The following NFIB variants were observed in gnomAD, a reference collection of about 807,000 sequenced individuals.
NFIB encodes nuclear factor I B.
In NFIB, 11 loss-of-function variants were observed where a neutral mutation model predicts 61.5. That is an observed-to-expected ratio of 0.18 (90% confidence interval 0.11 to 0.30). The LOEUF is 0.30. NFIB is among the 10% of genes least tolerant of loss of function. The probability of loss-of-function intolerance (pLI) is 1.00; values close to 1 mark genes in which losing one functional copy is unlikely to be tolerated. For synonymous variants in NFIB, 260 were observed against 216.5 expected, an observed-to-expected ratio of 1.20 and a Z score of -1.76; for missense variants, 471 against 608.9, an observed-to-expected ratio of 0.77 and a Z score of 2.38.
At chr9:14,439,206 A>G in the NFIB span, among the ~76,000 whole-genome samples, 1 of 152,078 alleles carries the variant, frequency 6.6e-6, no homozygotes, top group Non-Finnish European at 1.5e-5. Flanking sequence ...TCCCCTCTCT[A>G]CAAAAAATAA....
the NFIB span, among the ~76,000 whole-genome samples, chr9:14,469,108 T>A: frequency 2.0e-5 from 3 of 152,332 alleles, no homozygotes; most frequent in African/African-American, 7.2e-5. Flanking sequence ...ACTGCCTTTG[T>A]CTCGATCAAG....
the NFIB span, among the ~76,000 whole-genome samples, chr9:14,444,542 C>T: frequency 6.6e-6 from 1 of 152,122 alleles, no homozygotes; most frequent in East Asian, 1.9e-4. Context: ...GAAGGTGTTA[C>T]TTATACTCAT....
At chr9:14,258,735 C>G (rs2056463253) in intron 2 of NFIB, among the ~76,000 whole-genome samples, 1 of 152,162 alleles carries the variant, frequency 6.6e-6, no homozygotes, top group Non-Finnish European at 1.5e-5. Flanking sequence ...AGTTTTACAT[C>G]CTCTCTTCAT....
At chr9:14,452,554 CATCA>C in the NFIB span, among the ~76,000 whole-genome samples, 2 of 151,866 alleles carry the variant, frequency 1.3e-5, no homozygotes, top group African/African-American at 4.8e-5. Context: ...GGTAATGATA[CATCA>C]ATCTTGTATT....
the NFIB span, among the ~76,000 whole-genome samples, chr9:14,472,765 C>G: frequency 2.6e-5 from 4 of 151,952 alleles, no homozygotes; most frequent in Admixed American, 2.6e-4. Context: ...GGCGTGAACC[C>G]AGGAGGTGGA....
chr9:14,445,914 G>A, the NFIB span, among the ~76,000 whole-genome samples: 3 of 152,062 alleles, frequency 2.0e-5, no homozygotes, highest in African/African-American at 4.8e-5. Flanking sequence ...ACATCCTTTA[G>A]AATAGCCATT....
At chr9:14,123,380 T>C (rs147143098) in intron 7 of NFIB, among the ~76,000 whole-genome samples, 1,658 of 152,348 alleles carry the variant, frequency 0.011, 24 homozygotes, top group African/African-American at 0.037. Context: ...CAAAGCCTTA[T>C]TGTCTTCTTT....
intron 2 of NFIB, among the ~76,000 whole-genome samples, chr9:14,249,647 C>T (rs2055352794): frequency 6.8e-6 from 1 of 147,822 alleles, no homozygotes; most frequent in African/African-American, 2.5e-5. Context: ...TTAGCAAGTA[C>T]TGTAAAAAAA....
At chr9:14,390,618 G>A (rs1480276231) in intron 1 of NFIB, among the ~76,000 whole-genome samples, 3 of 152,236 alleles carry the variant, frequency 2.0e-5, no homozygotes, top group African/African-American at 7.2e-5. Flanking sequence ...CCTGTGTGAT[G>A]TTATTTGGAG....
At chr9:14,168,650 G>A (rs2045208557) in intron 3 of NFIB, among the ~76,000 whole-genome samples, 2 of 152,176 alleles carry the variant, frequency 1.3e-5, no homozygotes, top group Non-Finnish European at 2.9e-5. Context: ...CCACAGACCT[G>A]TAATGGATAT....
chr9:14,250,567 C>T (rs957451602), intron 2 of NFIB, among the ~76,000 whole-genome samples: 1 of 152,172 alleles, frequency 6.6e-6, no homozygotes, highest in African/African-American at 2.4e-5. Context: ...TGAAGGAGTG[C>T]TGAAGCACTA....
intron 2 of NFIB, among the ~76,000 whole-genome samples, chr9:14,219,349 CT>C (rs1400063059): frequency 2.8e-5 from 3 of 107,458 alleles, no homozygotes; most frequent in Non-Finnish European, 5.1e-5. Flanking sequence ...TCCAGAGAAA[CT>C]TTAATATAGA....
chr9:14,291,621 T>C (rs565297308), intron 2 of NFIB, among the ~76,000 whole-genome samples: 5 of 152,280 alleles, frequency 3.3e-5, no homozygotes, highest in East Asian at 1.9e-4. Context: ...AAAAGAGATA[T>C]GGATGTTTGT....
chr9:14,505,046 G>A, the NFIB span, among the ~76,000 whole-genome samples: 16 of 152,164 alleles, frequency 1.1e-4, no homozygotes, highest in African/African-American at 1.4e-4. Flanking sequence ...ATAAAGGGAC[G>A]CTGGATTATC....
At chr9:14,394,079 A>G (rs2061655031) in intron 1 of NFIB, among the ~76,000 whole-genome samples, 1 of 152,248 alleles carries the variant, frequency 6.6e-6, no homozygotes, top group Non-Finnish European at 1.5e-5. Context: ...ATAGTCATTT[A>G]CAGATGCCTA....
chr9:14,093,092 C>T (rs2034205550), intron 10 of NFIB, among the ~76,000 whole-genome samples: 1 of 152,014 alleles, frequency 6.6e-6, no homozygotes, highest in African/African-American at 2.4e-5. Flanking sequence ...CCACATTAAA[C>T]ATGTATGAAG....
chr9:14,231,131 AAAAAATAT>A lies in NFIB; in HGVS notation c.563-51359_563-51352del, dbSNP rs1417281497. Reference sequence around the variant, plus strand: ...AGTTTTTCCATGGGGAAAAAAAAAAAAAAAATATATATATATATATATATATATATATA... The same window carrying A: ...AGTTTTTCCATGGGGAAAAAAAAAAAATATATATATATATATATATATATA... On this transcript the variant is annotated intron_variant, in intron 2 of 10. Coordinates refer to ENST00000380953, the MANE Select transcript of NFIB (RefSeq NM_001190737.2). Among the ~76,000 whole-genome samples, 420 of 75,416 alleles carry A rather than the reference AAAAAATAT, an allele frequency of 5.6e-3. 7 individuals are homozygous for A. Among genetic ancestry groups the A allele is most frequent in the Admixed American group, 0.042 (291 of 6,874 alleles). The allele number at this position is 75,416 out of a possible 152,430, so 49.5% of individuals were successfully genotyped here. A position where few individuals can be genotyped will look rare whatever the true frequency, so the allele number is the denominator to read the frequency against.
the NFIB span, among the ~76,000 whole-genome samples, chr9:14,417,782 T>TG: frequency 4.9e-5 from 7 of 142,232 alleles, no homozygotes; most frequent in South Asian, 2.3e-4. Context: ...CAGTTTTTTT[T>TG]TTTTTTTTTT....
the NFIB span, among the ~76,000 whole-genome samples, chr9:14,410,465 G>C: frequency 6.6e-6 from 1 of 152,174 alleles, no homozygotes; most frequent in South Asian, 2.1e-4. Context: ...GCATAAGGTA[G>C]AAGAGGTTAG....
Sources: allele counts gnomAD v4.1 joint callset (sites outside exome capture counted in the v4.1 genomes callset), GRCh38; gene constraint gnomAD v4.1.1; transcripts MANE v1.5; gene names NCBI Gene and HGNC (gene_info 2026-07-23, HGNC 2026-07-21).